Variants in FUS observed in about 807,000 individuals in gnomAD.
The protein encoded by FUS is RNA-binding protein FUS.
In FUS, 5 loss-of-function variants were observed where a neutral mutation model predicts 82.7. That is an observed-to-expected ratio of 0.06 (90% CI 0.03 to 0.13). FUS has a LOEUF of 0.13. Ranked by LOEUF, FUS falls within the 10% of genes least tolerant of loss-of-function variation. The probability of loss-of-function intolerance (pLI) is 1.00; values close to 1 mark genes in which losing one functional copy is unlikely to be tolerated. For missense variants in FUS, 512 were observed against 707.8 expected, an observed-to-expected ratio of 0.72 and a Z score of 3.14; for synonymous variants, 281 against 247.4, an observed-to-expected ratio of 1.14 and a Z score of -1.27.
At chr16:31,188,226 T>A in intron 7 of FUS, 99 bp from the exon 8 acceptor site, 1 of 1,228,720 alleles carries the variant, frequency 8.1e-7, no homozygotes, top group South Asian at 1.3e-5. Context: ...TTGGATTTGG[T>A]GTTAATTTTT....
chr16:31,193,189 A>C (rs140395401), downstream of FUS: 4 of 491,042 alleles, frequency 8.1e-6, no homozygotes, highest in African/African-American at 7.8e-5. Flanking sequence ...TGATGTGCAC[A>C]CCTCAGCCTC....
In FUS at chr16:31,187,430, T is replaced by C. The variant is rs985221007; in HGVS notation, c.799+594T>C. On this transcript the variant is annotated intron_variant, in intron 7 of 14. Transcript: ENST00000254108. Reference sequence around the variant, plus strand: ...ACTACTTCAAGAAAGATTGGAAGCATGTGTGGCTCATGGGAAATAACCAGG... The same window carrying C: ...ACTACTTCAAGAAAGATTGGAAGCACGTGTGGCTCATGGGAAATAACCAGG... The C allele has an allele frequency of 3.9e-5, 9 of 233,714 alleles. No homozygotes were observed. The East Asian group carries it at 5.6e-4, about 14-fold the overall frequency. The allele number at this position is 233,714 out of a possible 1,614,324, so 14.5% of individuals were successfully genotyped here.
rs777365216 is a variant in FUS at position 31,182,656 on chromosome 16, G to A, written c.182G>A (p.Ser61Asn). Residue 61 changes from serine (S) to asparagine (N), a missense_variant, in exon 3 of 15, where the codon AGC becomes AAC. Ser to Asn is a conservative substitution (Grantham distance 46). Around this residue, in one of 6 missense-constraint regions of FUS, gnomAD observed 276 missense variants for 303.3 expected, o/e 0.91. Coordinates refer to ENST00000254108, the MANE Select transcript of FUS (RefSeq NM_004960.4). ...GQSSYSSYGQ[S>N]QNTGYGTQST... ...AGCAGCTATTCTTCTTATGGCCAGAGCCAGAACAGTGAGTCTTTCTCAGCG... is the reference window on the plus strand; with the variant it reads ...AGCAGCTATTCTTCTTATGGCCAGAACCAGAACAGTGAGTCTTTCTCAGCG... 1.9e-6 allele frequency: 3 copies of A among 1,614,210 alleles called. No individual in the cohort carries two copies. The highest frequency in any genetic ancestry group is 1.7e-6 in the Non-Finnish European group (2 of 1,180,034).
chr16:31,193,969 T>G, downstream of FUS: 1 of 532,426 alleles, frequency 1.9e-6, no homozygotes, highest in Non-Finnish European at 3.6e-6. Flanking sequence ...TCTTACTGAA[T>G]GATTGAAATC....
chr16:31,189,612 A>AAGGG, intron 9 of FUS, 53 bp from the exon 10 acceptor site: 3 of 1,613,000 alleles, frequency 1.9e-6, no homozygotes, highest in South Asian at 1.1e-5. Context: ...AGAAGATGGA[A>AAGGG]AGGGAGTACT....
At chr16:31,185,556 G>T (rs886088044) in intron 6 of FUS, 3 of 546,732 alleles carry the variant, frequency 5.5e-6, no homozygotes, top group African/African-American at 1.8e-5. Context: ...AGGGAAACTT[G>T]GTATGTGTAT....
At chr16:31,194,589 G>GAT, downstream of FUS, 1 of 498,298 alleles carries the variant, frequency 2.0e-6, no homozygotes, top group South Asian at 1.5e-5. Flanking sequence ...TAAGGTGTGA[G>GAT]ATACTGTGTC....
intron 1 of FUS, among the ~76,000 whole-genome samples, chr16:31,182,000 C>T (rs1354803568): frequency 6.6e-6 from 1 of 151,826 alleles, no homozygotes; most frequent in Non-Finnish European, 1.5e-5. Context: ...GCAACATGGT[C>T]CTATTTTTAT....
chr16:31,184,479 T>C, intron 5 of FUS, 83 bp downstream of exon 5: 3 of 1,324,900 alleles, frequency 2.3e-6, no homozygotes, highest in Middle Eastern at 2.1e-4. Context: ...GCTCTGTCTC[T>C]GTTGCTGAGG....
At chr16:31,186,724 A>G in intron 6 of FUS, 78 bp from the exon 7 acceptor site, 2 of 1,365,406 alleles carry the variant, frequency 1.5e-6, no homozygotes, top group East Asian at 2.3e-5. Flanking sequence ...TGTTTGGGGA[A>G]TGTTAAACAA....
intron 14 of FUS, 144 bp from the exon 15 acceptor site, chr16:31,191,255 T>G: frequency 6.8e-7 from 1 of 1,473,812 alleles, no homozygotes. Flanking sequence ...GAAGGAAAAT[T>G]AACTCAGGGG....
At chr16:31,180,725 G>A (rs1236257480) in intron 1 of FUS, among the ~76,000 whole-genome samples, 1 of 152,194 alleles carries the variant, frequency 6.6e-6, no homozygotes, top group Non-Finnish European at 1.5e-5. Flanking sequence ...CGCGCGTCCG[G>A]TGTGAGCCTT....
At chr16:31,193,960 C>A (rs1298146968), downstream of FUS, 1 of 531,334 alleles carries the variant, frequency 1.9e-6, no homozygotes, top group Admixed American at 2.2e-5. Flanking sequence ...ATACTCTATT[C>A]TTACTGAATG....
chr16:31,182,058 A>G (rs992307115), intron 1 of FUS, among the ~76,000 whole-genome samples: 1 of 151,644 alleles, frequency 6.6e-6, no homozygotes, highest in Non-Finnish European at 1.5e-5. Context: ...CTGGAGTGCA[A>G]TGGCTCACTG....
intron 1 of FUS, among the ~76,000 whole-genome samples, chr16:31,181,987 G>C (rs1004110016): frequency 1.3e-5 from 2 of 151,850 alleles, no homozygotes; most frequent in African/African-American, 4.8e-5. Context: ...TATGCCCTTT[G>C]TTGCAACATG....
intron 1 of FUS, among the ~76,000 whole-genome samples, chr16:31,181,285 C>G (rs986297536): frequency 1.3e-5 from 2 of 152,248 alleles, no homozygotes; most frequent in African/African-American, 4.8e-5. Flanking sequence ...TCCTGGTCCT[C>G]TTTCCCTTTT....
intron 12 of FUS, 38 bp downstream of exon 12, chr16:31,190,436 T>C (rs1567477754): frequency 1.9e-6 from 3 of 1,613,850 alleles, no homozygotes; most frequent in Non-Finnish European, 2.5e-6. Context: ...TTCTCTTGCA[T>C]GCGTGCTCTT....
At chr16:31,192,168 G>C (rs1453320225), downstream of FUS, 3 of 528,748 alleles carry the variant, frequency 5.7e-6, no homozygotes, top group Admixed American at 6.7e-5. Context: ...GACTGGTCTG[G>C]CTGGGTTACT....
In FUS at chr16:31,180,181, C is replaced by T. The variant is rs765945796; in HGVS notation, c.-34C>T. Reference sequence around the variant, plus strand: ...TCGGTACTCAGCGGTGTTGGAACTTCGTTGCTTGCTTGCCTGTGCGCGCGT... The same window carrying T: ...TCGGTACTCAGCGGTGTTGGAACTTTGTTGCTTGCTTGCCTGTGCGCGCGT... On this transcript the variant is annotated 5_prime_UTR_variant, in exon 1 of 15. Coordinates refer to ENST00000254108, the MANE Select transcript of FUS (RefSeq NM_004960.4). The T allele has an allele frequency of 2.2e-5, 36 of 1,608,592 alleles. No individual in the cohort carries two copies. The East Asian group carries it at 4.5e-4, about 20-fold the overall frequency.
Sources: allele counts gnomAD v4.1 joint callset (sites outside exome capture counted in the v4.1 genomes callset), GRCh38; gene constraint gnomAD v4.1.1; regional missense constraint gnomAD v4.1.1; transcripts MANE v1.5; gene names NCBI Gene and HGNC (gene_info 2026-07-23, HGNC 2026-07-21).